SLC39A11: variants seen among roughly 807,000 people sequenced by gnomAD.
The protein encoded by SLC39A11 is solute carrier family 39 member 11, also known as zinc transporter ZIP11.
A neutral mutation model predicts 36.1 loss-of-function variants in SLC39A11; 33 were observed. That is an observed-to-expected ratio of 0.91 (90% CI 0.69 to 1.22). SLC39A11 has a LOEUF of 1.22. Among genes scored for constraint, SLC39A11 ranks in the 50% most tolerant of loss-of-function variants. SLC39A11 has a pLI of 0.00. For synonymous variants in SLC39A11, 166 were observed against 170.3 expected (o/e 0.97, Z 0.20); for missense variants, 432 against 430.3 (o/e 1.00, Z -0.03).
Position 72,927,925 on chromosome 17 carries a change from T to C in SLC39A11, c.430+19827A>G, listed in dbSNP as rs147885000. 1.4e-4 allele frequency among the ~76,000 whole-genome samples: 21 copies of C among 152,124 alleles called. No homozygotes were observed. The East Asian group carries it at 3.9e-3, about 28-fold the overall frequency. On this transcript the variant is annotated intron_variant, in intron 5 of 9. Coordinates refer to ENST00000255559, the MANE Select transcript of SLC39A11 (RefSeq NM_139177.4). The stretch of plus-strand genomic sequence containing the variant: ...TGAAAAGGGAACATTTGTAGTATCA[T>C]CCTGAGCCATATAGCACAGTCCAAA...
intron 6 of SLC39A11, among the ~76,000 whole-genome samples, chr17:72,793,925 A>G (rs2076803827): frequency 6.6e-6 from 1 of 151,360 alleles, no homozygotes; most frequent in African/African-American, 2.5e-5. Flanking sequence ...TACAAATGAC[A>G]CAGCTGATAC....
At chr17:72,919,052 G>A (rs146697194) in intron 5 of SLC39A11, among the ~76,000 whole-genome samples, 2,417 of 152,222 alleles carry the variant, frequency 0.016, 26 homozygotes, top group Middle Eastern at 0.037. Context: ...GACCCAGTGA[G>A]ACTCTGTCTC....
chr17:72,851,325 G>A (rs117354644), intron 5 of SLC39A11, among the ~76,000 whole-genome samples: 2,563 of 152,272 alleles, frequency 0.017, 35 homozygotes, highest in Non-Finnish European at 0.022. Context: ...TTTGAAATTG[G>A]GAGGACAAGA....
At chr17:72,943,413 G>C (rs1037054080) in intron 5 of SLC39A11, among the ~76,000 whole-genome samples, 7 of 152,188 alleles carry the variant, frequency 4.6e-5, no homozygotes, top group African/African-American at 1.7e-4. Context: ...GTTTCATTTT[G>C]CAAAACATGG....
intron 7 of SLC39A11, among the ~76,000 whole-genome samples, chr17:72,719,854 A>G (rs1303357035): frequency 6.6e-6 from 1 of 152,200 alleles, no homozygotes; most frequent in East Asian, 1.9e-4. Context: ...GCCGCAGCAT[A>G]AAAGCCCCTT....
intron 7 of SLC39A11, among the ~76,000 whole-genome samples, chr17:72,733,730 T>C (rs1198602687): frequency 4.6e-5 from 7 of 152,174 alleles, no homozygotes; most frequent in Non-Finnish European, 1.0e-4. Flanking sequence ...CTTTTCCCTC[T>C]TGAAAGAGGG....
At chr17:72,941,804 C>T (rs1391471718) in intron 5 of SLC39A11, among the ~76,000 whole-genome samples, 1 of 152,112 alleles carries the variant, frequency 6.6e-6, no homozygotes, top group African/African-American at 2.4e-5. Flanking sequence ...TTATTGAGCC[C>T]TTTGCCCTCC....
At chr17:72,987,125 G>A (rs1032070735) in intron 4 of SLC39A11, among the ~76,000 whole-genome samples, 1 of 152,178 alleles carries the variant, frequency 6.6e-6, no homozygotes, top group African/African-American at 2.4e-5. Context: ...AGCACTGGTT[G>A]TTTGAAAGAT....
chr17:73,004,947 A>C (rs1217369338), intron 4 of SLC39A11, among the ~76,000 whole-genome samples: 1 of 152,206 alleles, frequency 6.6e-6, no homozygotes, highest in Non-Finnish European at 1.5e-5. Context: ...GCACATAAGC[A>C]CACCGACCTA....
intron 6 of SLC39A11, among the ~76,000 whole-genome samples, chr17:72,753,992 G>A (rs1217469107): frequency 1.4e-5 from 2 of 138,756 alleles, no homozygotes; most frequent in African/African-American, 5.4e-5. Context: ...ATCAACAAGT[G>A]GATAAAGAAA....
At chr17:72,850,014 C>A (rs528825217) in intron 5 of SLC39A11, among the ~76,000 whole-genome samples, 17 of 150,732 alleles carry the variant, frequency 1.1e-4, no homozygotes, top group African/African-American at 4.1e-4. Context: ...CCATCTCAGC[C>A]TCCCAAGTAG....
chr17:72,894,665 G>A (rs2146790484), intron 5 of SLC39A11, among the ~76,000 whole-genome samples: 1 of 91,494 alleles, frequency 1.1e-5, no homozygotes, highest in East Asian at 3.8e-4. Flanking sequence ...GCAAGACCCT[G>A]TCTCAAAAAA....
intron 5 of SLC39A11, chr17:72,947,398 G>A (rs995073851): frequency 3.7e-6 from 1 of 272,704 alleles, no homozygotes; most frequent in African/African-American, 2.2e-5. Context: ...GAGTATTCAG[G>A]GTTCATCAGA....
At chr17:73,010,061 T>C (rs2090427727) in intron 4 of SLC39A11, among the ~76,000 whole-genome samples, 1 of 152,278 alleles carries the variant, frequency 6.6e-6, no homozygotes, top group South Asian at 2.1e-4. Flanking sequence ...TCCAGACTCC[T>C]GCTGTGCTGC....
At chr17:72,977,050 G>A (rs114357409) in intron 4 of SLC39A11, among the ~76,000 whole-genome samples, 6,160 of 152,164 alleles carry the variant, frequency 0.04, 144 homozygotes, top group Non-Finnish European at 0.055. Context: ...CACAGCTTGC[G>A]TTAGGATAAG....
intron 5 of SLC39A11, among the ~76,000 whole-genome samples, chr17:72,868,153 T>C (rs1166057932): frequency 1.3e-5 from 2 of 152,266 alleles, no homozygotes; most frequent in East Asian, 1.9e-4. Flanking sequence ...TGAAAGTTTT[T>C]ATGTGCCTAA....
chr17:72,826,064 A>G (rs1162086244), intron 6 of SLC39A11, among the ~76,000 whole-genome samples: 2 of 152,186 alleles, frequency 1.3e-5, no homozygotes, highest in African/African-American at 4.8e-5. Context: ...ATGGAATGAT[A>G]TGGTTTGGAT....
At chr17:72,902,627 T>A (rs1474558258) in intron 5 of SLC39A11, among the ~76,000 whole-genome samples, 1 of 152,230 alleles carries the variant, frequency 6.6e-6, no homozygotes, top group Middle Eastern at 3.2e-3. Context: ...AACAAAGAGA[T>A]GGCTGGTCCA....
intron 4 of SLC39A11, among the ~76,000 whole-genome samples, chr17:72,953,266 C>T (rs2085998467): frequency 6.6e-6 from 1 of 151,988 alleles, no homozygotes. Flanking sequence ...AACTTCCACC[C>T]ACTTTGGAAA....
Sources: gnomAD v4.1 joint callset for allele counts (sites outside exome capture counted in the v4.1 genomes callset) on GRCh38, gnomAD v4.1.1 for gene constraint, MANE v1.5 for transcripts, NCBI Gene and HGNC (gene_info 2026-07-23, HGNC 2026-07-21) for gene names.